The following HIVEP3 variants were observed in gnomAD, a reference collection of about 807,000 sequenced individuals.
HIVEP3 encodes the protein transcription factor HIVEP3.
A neutral mutation model predicts 152.8 loss-of-function variants in HIVEP3; 49 were observed. The observed-to-expected ratio is 0.32, with a 90% confidence interval of 0.26 to 0.41. The LOEUF (loss-of-function observed/expected upper bound fraction) is 0.41, where lower values mean the gene tolerates loss of function less well. Among genes scored for constraint, HIVEP3 ranks in the 10% least tolerant of loss-of-function variants. The pLI is 1.00. For missense variants in HIVEP3, 2,790 were observed against 3,103.3 expected (o/e 0.90, Z 2.40); for synonymous variants, 1,269 against 1,289.0 (o/e 0.98, Z 0.33).
chr1:41,726,162 C>G (rs1427315754), intron 1 of HIVEP3, among the ~76,000 whole-genome samples: 1 of 152,086 alleles, frequency 6.6e-6, no homozygotes, highest in Non-Finnish European at 1.5e-5. Context: ...AAACCTTTTT[C>G]TTTTCATGTC....
intron 2 of HIVEP3, among the ~76,000 whole-genome samples, chr1:41,691,883 A>ATT (rs34731891): frequency 1.4e-5 from 2 of 143,088 alleles, no homozygotes. Flanking sequence ...AGAGTGGTGA[A>ATT]TTTTTTTTTT....
At chr1:41,786,399 C>T (rs1309061141) in intron 1 of HIVEP3, among the ~76,000 whole-genome samples, 1 of 152,192 alleles carries the variant, frequency 6.6e-6, no homozygotes, top group Non-Finnish European at 1.5e-5. Flanking sequence ...CAGCCTAGCC[C>T]TGAGGCTGCT....
intron 1 of HIVEP3, among the ~76,000 whole-genome samples, chr1:41,894,478 C>G (rs1644498501): frequency 6.6e-6 from 1 of 152,216 alleles, no homozygotes; most frequent in African/African-American, 2.4e-5. Context: ...AACCTTCATT[C>G]CATGTTAACC....
chr1:41,781,277 T>C (rs1047032268), intron 1 of HIVEP3, among the ~76,000 whole-genome samples: 20 of 152,192 alleles, frequency 1.3e-4, no homozygotes, highest in African/African-American at 4.3e-4. Flanking sequence ...ATTGTGACAA[T>C]GTACAATGCT....
intron 2 of HIVEP3, among the ~76,000 whole-genome samples, chr1:41,660,170 T>C (rs947149411): frequency 1.3e-5 from 2 of 152,188 alleles, no homozygotes; most frequent in Non-Finnish European, 1.5e-5. Flanking sequence ...TTTGAGTGTG[T>C]AAGAGTGCAC....
intron 5 of HIVEP3, among the ~76,000 whole-genome samples, chr1:41,528,925 C>T (rs1643126952): frequency 7.0e-6 from 1 of 142,034 alleles, no homozygotes; most frequent in Admixed American, 6.9e-5. Flanking sequence ...CTTCGCACAC[C>T]CCCGCCCTCA....
chr1:41,912,674 T>A (rs1189516739), intron 1 of HIVEP3, among the ~76,000 whole-genome samples: 1 of 152,192 alleles, frequency 6.6e-6, no homozygotes, highest in East Asian at 1.9e-4. Context: ...AATGAGGGCA[T>A]GGAGCAAATG....
intron 1 of HIVEP3, among the ~76,000 whole-genome samples, chr1:41,936,990 A>G (rs1190625151): frequency 2.0e-5 from 3 of 152,202 alleles, no homozygotes; most frequent in African/African-American, 7.2e-5. Context: ...ATTCTTCATT[A>G]AAATCATAAA....
intron 1 of HIVEP3, among the ~76,000 whole-genome samples, chr1:41,975,273 C>G (rs1247195034): frequency 6.6e-6 from 1 of 152,156 alleles, no homozygotes; most frequent in Non-Finnish European, 1.5e-5. Flanking sequence ...AGAGAGCACT[C>G]CTCAATAAAC....
At chr1:41,585,677 A>G (rs1242354112) in intron 3 of HIVEP3, among the ~76,000 whole-genome samples, 1 of 152,064 alleles carries the variant, frequency 6.6e-6, no homozygotes, top group Non-Finnish European at 1.5e-5. Flanking sequence ...ATCCACTCTG[A>G]GTGGGTCTAA....
chr1:41,929,661 C>T (rs1411697805), intron 1 of HIVEP3, among the ~76,000 whole-genome samples: 1 of 147,426 alleles, frequency 6.8e-6, no homozygotes, highest in Non-Finnish European at 1.5e-5. Context: ...TATATTTATC[C>T]ATGAATACAC....
chr1:41,846,910 GACA>G (rs1235316058), intron 1 of HIVEP3, among the ~76,000 whole-genome samples: 2 of 152,302 alleles, frequency 1.3e-5, no homozygotes, highest in East Asian at 3.9e-4. Context: ...ACCCCAAAGA[GACA>G]ACACCACTCC....
At chr1:42,016,555 A>T (rs1163780583) in intron 1 of HIVEP3, among the ~76,000 whole-genome samples, 2 of 151,928 alleles carry the variant, frequency 1.3e-5, no homozygotes, top group African/African-American at 4.8e-5. Context: ...ATTTTAATAC[A>T]TGCACATAAA....
chr1:41,833,632 T>C (rs1643030310), intron 1 of HIVEP3, among the ~76,000 whole-genome samples: 1 of 152,180 alleles, frequency 6.6e-6, no homozygotes, highest in Non-Finnish European at 1.5e-5. Flanking sequence ...CAGCAGAATC[T>C]GAGGGCTCAA....
intron 1 of HIVEP3, among the ~76,000 whole-genome samples, chr1:41,954,565 T>C (rs1351215301): frequency 6.6e-6 from 1 of 152,222 alleles, no homozygotes; most frequent in African/African-American, 2.4e-5. Context: ...GACAGGCCAG[T>C]CGTCATCAAG....
intron 5 of HIVEP3, among the ~76,000 whole-genome samples, chr1:41,550,730 C>G (rs1264241463): frequency 6.6e-6 from 1 of 152,140 alleles, no homozygotes; most frequent in Non-Finnish European, 1.5e-5. Flanking sequence ...GATGTTGTAT[C>G]CTGAGACTTT....
At chr1:41,744,699 A>G (rs1203726246) in intron 1 of HIVEP3, among the ~76,000 whole-genome samples, 1 of 152,244 alleles carries the variant, frequency 6.6e-6, no homozygotes, top group African/African-American at 2.4e-5. Context: ...GGCTCATTCA[A>G]GGGGTGAACA....
chr1:41,971,778 C>T (rs1645231033), intron 1 of HIVEP3, among the ~76,000 whole-genome samples: 1 of 152,112 alleles, frequency 6.6e-6, no homozygotes, highest in Non-Finnish European at 1.5e-5. Context: ...GCAACTTAAC[C>T]CCCAATATAA....
intron 1 of HIVEP3, among the ~76,000 whole-genome samples, chr1:42,007,163 C>A (rs1029926077): frequency 1.4e-5 from 2 of 147,732 alleles, no homozygotes; most frequent in African/African-American, 5.4e-5. Context: ...CTCTGCTTAC[C>A]CCCATCTCCA....
Sources: gnomAD v4.1 joint callset for allele counts (sites outside exome capture counted in the v4.1 genomes callset) on GRCh38, gnomAD v4.1.1 for gene constraint, MANE v1.5 for transcripts, NCBI Gene and HGNC (gene_info 2026-07-23, HGNC 2026-07-21) for gene names.